ZNF207: variants seen among roughly 807,000 people sequenced by gnomAD.
ZNF207 encodes the protein BUB3-interacting and GLEBS motif-containing protein ZNF207.
A neutral mutation model predicts 60.2 loss-of-function variants in ZNF207; 24 were observed. That is an observed-to-expected ratio of 0.40 (90% CI 0.29 to 0.56). The LOEUF (loss-of-function observed/expected upper bound fraction) is 0.56, where lower values mean the gene tolerates loss of function less well. Among genes scored for constraint, ZNF207 ranks in the 20% least tolerant of loss-of-function variants. The pLI is 0.49. For synonymous variants in ZNF207, 236 were observed against 194.7 expected (o/e 1.21, Z -1.77); for missense variants, 452 against 636.6 (o/e 0.71, Z 3.12).
rs1486294011 is a variant in ZNF207 at position 32,374,091 on chromosome 17, G to T, written c.*4332G>T. On this transcript the variant is annotated 3_prime_UTR_variant, in exon 12 of 12. Transcript: ENST00000394670. Reference sequence around the variant, plus strand: ...TTTCAATATTTTTCAGTAGGGATGGGGTTTTGCCGTGTTGGCCAGGCTGGT... The same window carrying T: ...TTTCAATATTTTTCAGTAGGGATGGTGTTTTGCCGTGTTGGCCAGGCTGGT... 1 of 151,934 alleles carries T rather than the reference G, an allele frequency of 6.6e-6. No homozygotes were observed. Among genetic ancestry groups the T allele is most frequent in the Non-Finnish European group, 1.5e-5 (1 of 68,140 alleles). 9.4% of individuals were successfully genotyped at this position (151,934 alleles called of 1,614,324 possible). A position where few individuals can be genotyped will look rare whatever the true frequency, so the allele number is the denominator to read the frequency against.
Position 32,373,329 on chromosome 17 carries a change from A to G in ZNF207, c.*3570A>G. 1.6e-6 allele frequency: 1 copy of G among 630,670 alleles called. No homozygotes were observed. The highest frequency in any genetic ancestry group is 2.8e-6 in the Non-Finnish European group (1 of 353,276). The allele number at this position is 630,670 out of a possible 1,614,324, so 39.1% of individuals were successfully genotyped here. A position where few individuals can be genotyped will look rare whatever the true frequency, so the allele number is the denominator to read the frequency against. ...ATCATTGGGATTTTTAAAAAAAAAA[A>G]TTTTAATGCATGTCTTTTAAATTAA... On this transcript the variant is annotated 3_prime_UTR_variant, in exon 12 of 12. Coordinates refer to ENST00000394670, the MANE Select transcript of ZNF207 (RefSeq NM_001098507.2).
chr17:32,368,037 C>T (rs1188798394), intron 10 of ZNF207, 23 bp downstream of exon 10: 6 of 1,612,276 alleles, frequency 3.7e-6, no homozygotes, highest in East Asian at 2.2e-5. Flanking sequence ...TAGTTTTCTA[C>T]GAGCAGCATT....
At position 32,379,847 on chromosome 17, in the gene ZNF207, T is replaced by A. The variant is rs972668811; in HGVS notation, c.*10088T>A. 3.9e-5 allele frequency: 6 copies of A among 152,242 alleles called. No homozygotes were observed. The highest frequency in any genetic ancestry group is 1.3e-4 in the Admixed American group (2 of 15,284). 9.4% of individuals were successfully genotyped at this position (152,242 alleles called of 1,614,324 possible). On this transcript the variant is annotated 3_prime_UTR_variant, in exon 12 of 12. Transcript: ENST00000394670. ...AGTAAATTTCTAATTTATGCCCTGC[T>A]TTATTTAGCCTCGCTATATGTAACA...
In ZNF207 at chr17:32,376,773, A is replaced by C. The variant is rs1292276583; in HGVS notation, c.*7014A>C. 1 of 152,136 alleles carries C rather than the reference A, an allele frequency of 6.6e-6. No individual in the cohort carries two copies. Among genetic ancestry groups the C allele is most frequent in the Non-Finnish European group, 1.5e-5 (1 of 67,952 alleles). 9.4% of individuals were successfully genotyped at this position (152,136 alleles called of 1,614,324 possible). A position where few individuals can be genotyped will look rare whatever the true frequency, so the allele number is the denominator to read the frequency against. On this transcript the variant is annotated 3_prime_UTR_variant, in exon 12 of 12. Coordinates refer to ENST00000394670, the MANE Select transcript of ZNF207 (RefSeq NM_001098507.2). Reference sequence around the variant, plus strand: ...TATGTTTATGTTTTAATTTTTATCAAAATAACCTCAGAGGAGGTACATGTG... The same window carrying C: ...TATGTTTATGTTTTAATTTTTATCACAATAACCTCAGAGGAGGTACATGTG...
chr17:32,377,333 T>G lies in ZNF207; in HGVS notation c.*7574T>G, dbSNP rs746814253. Reference sequence around the variant, plus strand: ...ATTTGCACCATCATATCCGAGTCTTTACTAATAAAATGAGGCTGCTTAAGT... The same window carrying G: ...ATTTGCACCATCATATCCGAGTCTTGACTAATAAAATGAGGCTGCTTAAGT... On this transcript the variant is annotated 3_prime_UTR_variant, in exon 12 of 12. Transcript: ENST00000394670. 1 of 151,976 alleles carries G rather than the reference T, an allele frequency of 6.6e-6. No individual in the cohort carries two copies. The highest frequency in any genetic ancestry group is 2.4e-5 in the African/African-American group (1 of 41,420). The allele number at this position is 151,976 out of a possible 1,614,324, so 9.4% of individuals were successfully genotyped here. A position where few individuals can be genotyped will look rare whatever the true frequency, so the allele number is the denominator to read the frequency against.
rs1905693063 is a variant in ZNF207, at chr17:32,376,852, A to ATG, written c.*7095_*7096dup. The ATG allele has an allele frequency of 6.6e-6, 1 of 152,052 alleles. No individual in the cohort carries two copies. 9.4% of individuals were successfully genotyped at this position (152,052 alleles called of 1,614,324 possible). ...GGAACCCACCCATTAATTCTAAATG[A>ATG]TGTAATGGTCTATAAGGTAGTAATC... is the stretch of plus-strand genomic sequence containing the variant. On this transcript the variant is annotated 3_prime_UTR_variant, in exon 12 of 12. Coordinates refer to ENST00000394670, the MANE Select transcript of ZNF207 (RefSeq NM_001098507.2).
chr17:32,367,238 ATTAT>A (rs1337300952), intron 9 of ZNF207, among the ~76,000 whole-genome samples: 4 of 32,286 alleles, frequency 1.2e-4, no homozygotes, highest in Admixed American at 4.8e-4. Context: ...TTTGGAGGGG[ATTAT>A]ATATATATAT....
rs1905696304 is a variant in ZNF207, at chr17:32,376,930, T to C, written c.*7171T>C. ...GTTTGTAAAAAGGTGAAGTACTTTA[T>C]TGGCATTTTCTAAGCCCTCTGACAT... On this transcript the variant is annotated 3_prime_UTR_variant, in exon 12 of 12. Transcript: ENST00000394670. 6.6e-6 allele frequency: 1 copy of C among 152,060 alleles called. No homozygotes were observed. Among genetic ancestry groups the C allele is most frequent in the Admixed American group, 6.5e-5 (1 of 15,280 alleles). 9.4% of individuals were successfully genotyped at this position (152,060 alleles called of 1,614,324 possible).
intron 8 of ZNF207, among the ~76,000 whole-genome samples, chr17:32,366,421 C>G (rs544661214): frequency 6.6e-6 from 1 of 152,090 alleles, no homozygotes; most frequent in East Asian, 1.9e-4. Flanking sequence ...TAATGCAAAA[C>G]AGTAGTTTTA....
chr17:32,364,785 C>A (rs1161962822), intron 7 of ZNF207, among the ~76,000 whole-genome samples: 2 of 152,060 alleles, frequency 1.3e-5, no homozygotes, highest in African/African-American at 4.8e-5. Flanking sequence ...CCAGGCAGTT[C>A]CATATACATT....
chr17:32,362,476 C>G (rs1904944070), intron 6 of ZNF207, among the ~76,000 whole-genome samples: 1 of 152,332 alleles, frequency 6.6e-6, no homozygotes, highest in South Asian at 2.1e-4. Context: ...TAAAAAATCT[C>G]ATTTCACAGG....
chr17:32,366,598 A>G, intron 8 of ZNF207, 67 bp from the exon 9 acceptor site: 1 of 1,340,556 alleles, frequency 7.5e-7, no homozygotes. Context: ...TAAAAAGTCT[A>G]CCACATGGCT....
At chr17:32,366,631 G>T (rs774707634) in intron 8 of ZNF207, 34 bp from the exon 9 acceptor site, 1 of 1,565,812 alleles carries the variant, frequency 6.4e-7, no homozygotes, top group South Asian at 1.2e-5. Context: ...TTTGTTTGGA[G>T]ACTTTTCATT....
At chr17:32,367,277 AT>A (rs1567825071) in intron 9 of ZNF207, among the ~76,000 whole-genome samples, 4,264 of 116,580 alleles carry the variant, frequency 0.037, 260 homozygotes, top group African/African-American at 0.089. Context: ...ATATATATAT[AT>A]ATATATAAAG....
In ZNF207 at chr17:32,373,661, T is replaced by A; in HGVS notation, c.*3902T>A. On this transcript the variant is annotated 3_prime_UTR_variant, in exon 12 of 12. Coordinates refer to ENST00000394670, the MANE Select transcript of ZNF207 (RefSeq NM_001098507.2). ...TAAACATAAGTATTTCATATGCAAT[T>A]TTATGTAATTTGCTGTGTGTTACAT... The A allele has an allele frequency of 2.7e-6, 1 of 371,558 alleles. No individual in the cohort carries two copies. The highest frequency in any genetic ancestry group is 4.7e-6 in the Non-Finnish European group (1 of 210,588). 23.0% of individuals were successfully genotyped at this position (371,558 alleles called of 1,614,324 possible).
intron 1 of ZNF207, among the ~76,000 whole-genome samples, chr17:32,350,625 A>C (rs2041484612): frequency 6.6e-6 from 1 of 152,062 alleles, no homozygotes; most frequent in African/African-American, 2.4e-5. Context: ...TCCCCTAGGG[A>C]CTATTCAGCC....
rs896823811 is a variant in ZNF207 at position 32,373,313 on chromosome 17, AT to A, written c.*3559del. On this transcript the variant is annotated 3_prime_UTR_variant, in exon 12 of 12. Coordinates refer to ENST00000394670, the MANE Select transcript of ZNF207 (RefSeq NM_001098507.2). ...TCCTTTTGCTTGCTTGATCATTGGG[AT>A]TTTTAAAAAAAAAAATTTTAATGCA... The A allele has an allele frequency of 2.7e-5, 17 of 620,196 alleles. No homozygotes were observed. Among genetic ancestry groups the A allele is most frequent in the African/African-American group, 7.4e-5 (4 of 53,872 alleles). 38.4% of individuals were successfully genotyped at this position (620,196 alleles called of 1,614,324 possible).
chr17:32,365,269 C>A, intron 7 of ZNF207, 61 bp from the exon 8 acceptor site: 1 of 1,543,840 alleles, frequency 6.5e-7, no homozygotes, highest in Non-Finnish European at 8.8e-7. Flanking sequence ...AGTATAGAAG[C>A]GTTTTTTTCC....
intron 6 of ZNF207, among the ~76,000 whole-genome samples, chr17:32,362,131 AGTGTGTGTGTGT>A (rs57093226): frequency 1.4e-5 from 2 of 145,924 alleles, no homozygotes; most frequent in African/African-American, 2.5e-5. Flanking sequence ...AAAAAAAAAA[AGTGTGTGTGTGT>A]GTGTGTGTGT....
Sources: gnomAD v4.1 joint callset for allele counts (sites outside exome capture counted in the v4.1 genomes callset) on GRCh38, gnomAD v4.1.1 for gene constraint, MANE v1.5 for transcripts, NCBI Gene and HGNC (gene_info 2026-07-23, HGNC 2026-07-21) for gene names.